The following GPM6A variants were observed in gnomAD, a reference collection of about 807,000 sequenced individuals.
GPM6A encodes glycoprotein M6A.
In GPM6A, 7 loss-of-function variants were observed where a neutral mutation model predicts 32.1. The observed-to-expected ratio is 0.22, with a 90% CI of 0.12 to 0.41. The LOEUF is 0.41. Ranked by LOEUF, GPM6A falls within the 10% of genes least tolerant of loss-of-function variation. GPM6A has a pLI of 1.00. For synonymous variants in GPM6A, 130 were observed against 123.4 expected (o/e 1.05, Z -0.35); for missense variants, 235 against 347.2 (o/e 0.68, Z 2.57).
intron 1 of GPM6A, among the ~76,000 whole-genome samples, chr4:175,974,363 T>C (rs1050901223): frequency 3.3e-5 from 5 of 152,136 alleles, no homozygotes; most frequent in Non-Finnish European, 7.3e-5. Context: ...GTTTGATCGA[T>C]TGTTTGTTTT....
chr4:175,997,939 C>T lies in GPM6A; in HGVS notation c.-23+4370G>A, dbSNP rs543385915. Among the ~76,000 whole-genome samples the T allele has an allele frequency of 1.4e-4, 21 of 149,824 alleles. No individual in the cohort carries two copies. In the East Asian group the frequency reaches 3.9e-3, roughly 28 times the overall value. Reference sequence around the variant, plus strand: ...CAGTTGGCATCCTTCTTCAATCAAACAGGATTTATCCTTTCCCTCCCTGTC... The same window carrying T: ...CAGTTGGCATCCTTCTTCAATCAAATAGGATTTATCCTTTCCCTCCCTGTC... On this transcript the variant is annotated intron_variant, in intron 1 of 7. Coordinates refer to the GPM6A transcript ENST00000280187.
intron 1 of GPM6A, among the ~76,000 whole-genome samples, chr4:175,921,175 CTTAATTA>C (rs1358085495): frequency 1.3e-5 from 2 of 152,080 alleles, no homozygotes; most frequent in Non-Finnish European, 2.9e-5. Flanking sequence ...ATAGTGTCAA[CTTAATTA>C]TTAATAACTT....
intron 1 of GPM6A, among the ~76,000 whole-genome samples, chr4:175,745,787 G>A (rs12645432): frequency 0.22 from 33,089 of 152,162 alleles, 3,864 homozygotes; most frequent in East Asian, 0.26. Context: ...TGTACGTTGC[G>A]AAGTAAGAAA....
At chr4:175,959,242 T>C (rs1223595532) in intron 1 of GPM6A, among the ~76,000 whole-genome samples, 1 of 152,154 alleles carries the variant, frequency 6.6e-6, no homozygotes, top group Non-Finnish European at 1.5e-5. Context: ...ACTCTCTATA[T>C]TCACATTTTA....
intron 1 of GPM6A, among the ~76,000 whole-genome samples, chr4:175,835,930 C>T (rs1020057272): frequency 3.4e-5 from 5 of 147,766 alleles, no homozygotes; most frequent in East Asian, 2.0e-4. Context: ...AGGTGTAGAA[C>T]GTGGAAAGTT....
chr4:175,901,247 T>C (rs998869226), intron 1 of GPM6A, among the ~76,000 whole-genome samples: 4 of 152,134 alleles, frequency 2.6e-5, no homozygotes, highest in Admixed American at 2.0e-4. Context: ...AGAGTAACTA[T>C]AGTCAATAGT....
Position 175,710,608 on chromosome 4 carries a change from A to T in GPM6A, c.38-8841T>A, listed in dbSNP as rs187048742. Among the ~76,000 whole-genome samples the T allele has an allele frequency of 3.7e-3, 568 of 152,314 alleles. 2 individuals carry two copies. Among genetic ancestry groups the T allele is most frequent in the Non-Finnish European group, 4.7e-3 (321 of 68,022 alleles). Reference sequence around the variant, plus strand: ...TTTATAGTGACTTCCTTTAAATTAAATCCAAGACTTGAGTTTTTCGGTTTC... The same window carrying T: ...TTTATAGTGACTTCCTTTAAATTAATTCCAAGACTTGAGTTTTTCGGTTTC... On this transcript the variant is annotated intron_variant, in intron 1 of 6. Transcript: ENST00000393658.
In GPM6A at chr4:175,651,843, G is replaced by A. The variant is rs768834518; in HGVS notation, c.532C>T (p.Arg178Cys). The A allele has an allele frequency of 2.5e-6, 4 of 1,612,120 alleles. No homozygotes were observed. Among genetic ancestry groups the A allele is most frequent in the Admixed American group, 3.3e-5 (2 of 59,794 alleles). The change falls in exon 4 of 7, where the codon CGT (arginine) becomes TGT (cysteine). Residue 178 changes from arginine (R) to cysteine (C), a missense_variant. Physicochemically the swap from Arg to Cys is radical, Grantham distance 180. Around this residue, in one of 3 missense-constraint regions of GPM6A, gnomAD observed 107 missense variants for 116.7 expected, o/e 0.92. Transcript: ENST00000393658. ...VEGANLCLDL[R>C]QFGIVTIGEE... ...TCCAATATCCACTTACCAAACTGAC[G>A]AAGGTCCAAGCAGAGATTTGCTCCC...
intron 1 of GPM6A, among the ~76,000 whole-genome samples, chr4:175,860,264 CTT>C (rs1227012205): frequency 7.4e-6 from 1 of 136,054 alleles, no homozygotes; most frequent in African/African-American, 2.6e-5. Context: ...AAAGCTGAGT[CTT>C]TGAAAAAAAA....
chr4:175,820,854 C>T (rs1346021656), intron 1 of GPM6A, among the ~76,000 whole-genome samples: 1 of 152,166 alleles, frequency 6.6e-6, no homozygotes, highest in Non-Finnish European at 1.5e-5. Context: ...TCTCTTTTCG[C>T]AACTTCTTCC....
chr4:175,800,476 G>T (rs923736483), intron 1 of GPM6A, among the ~76,000 whole-genome samples: 1 of 152,152 alleles, frequency 6.6e-6, no homozygotes, highest in Non-Finnish European at 1.5e-5. Context: ...CTGTCCTATA[G>T]TAAGATCGGG....
intron 1 of GPM6A, among the ~76,000 whole-genome samples, chr4:175,716,555 A>G (rs1175077119): frequency 2.0e-5 from 3 of 152,156 alleles, no homozygotes; most frequent in Non-Finnish European, 4.4e-5. Flanking sequence ...TATTGAATGT[A>G]TTCATCTCTA....
intron 1 of GPM6A, chr4:175,891,464 T>A (rs1737646030): frequency 6.6e-6 from 1 of 152,234 alleles, no homozygotes; most frequent in Admixed American, 6.5e-5. Context: ...CAGACTTACC[T>A]AATGCAAGTC....
chr4:175,798,133 G>C (rs570223783), intron 1 of GPM6A, among the ~76,000 whole-genome samples: 1 of 152,290 alleles, frequency 6.6e-6, no homozygotes, highest in South Asian at 2.1e-4. Flanking sequence ...CGCTATACTT[G>C]TGTAACTTAC....
At chr4:175,973,041 T>C (rs1388039737) in intron 1 of GPM6A, among the ~76,000 whole-genome samples, 1 of 152,132 alleles carries the variant, frequency 6.6e-6, no homozygotes, top group Admixed American at 6.5e-5. Context: ...AGTGTGTCCA[T>C]AACAGTGAAC....
intron 1 of GPM6A, among the ~76,000 whole-genome samples, chr4:175,724,970 C>G (rs546652185): frequency 1.3e-5 from 2 of 152,254 alleles, no homozygotes; most frequent in East Asian, 3.9e-4. Flanking sequence ...CCTGGCGAGG[C>G]CCTCTACTGC....
chr4:175,725,993 C>CTTTTT lies in GPM6A; in HGVS notation c.38-24231_38-24227dup, dbSNP rs377474451. Among the ~76,000 whole-genome samples, 27 of 121,918 alleles carry CTTTTT rather than the reference C, an allele frequency of 2.2e-4. 5 individuals are homozygous for CTTTTT. Among genetic ancestry groups the CTTTTT allele is most frequent in the African/African-American group, 3.1e-4 (10 of 32,628 alleles). The allele number at this position is 121,918 out of a possible 152,430, so 80.0% of individuals were successfully genotyped here. A position where few individuals can be genotyped will look rare whatever the true frequency, so the allele number is the denominator to read the frequency against. ...ATGTTTTCCAAATACCCTGTTTCTT[C>CTTTTT]TTTTTTTTTTTTTTTTTTTAAGACG... On this transcript the variant is annotated intron_variant, in intron 1 of 6. Coordinates refer to ENST00000393658, the MANE Select transcript of GPM6A (RefSeq NM_201591.3).
chr4:175,956,271 T>C lies in GPM6A; in HGVS notation c.-23+46038A>G, dbSNP rs565501912. Among the ~76,000 whole-genome samples, 6 of 152,300 alleles carry C rather than the reference T, an allele frequency of 3.9e-5. No homozygotes were observed. The East Asian group carries it at 1.2e-3, about 29-fold the overall frequency. ...TCCTATGGACAACAGACTTTCCCTC[T>C]TTTGATGGATGTTAGAGAAATTATA... On this transcript the variant is annotated intron_variant, in intron 1 of 7. Transcript: ENST00000280187.
chr4:175,786,284 GT>G (rs971054207), intron 1 of GPM6A, among the ~76,000 whole-genome samples: 3 of 145,212 alleles, frequency 2.1e-5, no homozygotes, highest in African/African-American at 7.6e-5. Context: ...GTCAGGAAAG[GT>G]TTTTTGTTTT....
Sources: gnomAD v4.1 joint callset for allele counts (sites outside exome capture counted in the v4.1 genomes callset) on GRCh38, gnomAD v4.1.1 for gene constraint, gnomAD v4.1.1 regional missense constraint, MANE v1.5 for transcripts, NCBI Gene and HGNC (gene_info 2026-07-23, HGNC 2026-07-21) for gene names.